The following MGAT4C variants were observed in gnomAD, a reference collection of about 807,000 sequenced individuals.
The protein encoded by MGAT4C is alpha-1,3-mannosyl-glycoprotein 4-beta-N-acetylglucosaminyltransferase C.
A neutral mutation model predicts 40.1 loss-of-function variants in MGAT4C; 19 were observed. The ratio of observed to expected loss-of-function variants is 0.47; its 90% CI spans 0.33 to 0.70. MGAT4C has a LOEUF of 0.70. Ranked by LOEUF, MGAT4C falls within the 30% of genes least tolerant of loss-of-function variation. The probability of loss-of-function intolerance (pLI) is 0.02; values close to 1 mark genes in which losing one functional copy is unlikely to be tolerated. For synonymous variants in MGAT4C, 181 were observed against 187.1 expected (o/e 0.97, Z 0.27); for missense variants, 491 against 563.2 (o/e 0.87, Z 1.30).
At chr12:86,517,625 T>C (rs1958717606) in intron 2 of MGAT4C, among the ~76,000 whole-genome samples, 3 of 151,750 alleles carry the variant, frequency 2.0e-5, no homozygotes, top group Admixed American at 2.0e-4. Context: ...TTTTTATTTA[T>C]TTATTTGTTT....
At chr12:86,679,113 A>G (rs1949928691) in intron 2 of MGAT4C, among the ~76,000 whole-genome samples, 1 of 152,012 alleles carries the variant, frequency 6.6e-6, no homozygotes, top group Non-Finnish European at 1.5e-5. Flanking sequence ...CTTTTTAATG[A>G]TCGCCATTCT....
chr12:86,010,069 G>A (rs563214781), intron 2 of MGAT4C, among the ~76,000 whole-genome samples: 1 of 152,232 alleles, frequency 6.6e-6, no homozygotes, highest in South Asian at 2.1e-4. Flanking sequence ...GGAATATGGT[G>A]TAAGAATAAT....
chr12:86,772,497 G>A (rs1402748995), intron 1 of MGAT4C, among the ~76,000 whole-genome samples: 2 of 152,100 alleles, frequency 1.3e-5, no homozygotes, highest in Non-Finnish European at 2.9e-5. Context: ...ACAGGCCCGC[G>A]AGTAGGTTTG....
intron 3 of MGAT4C, among the ~76,000 whole-genome samples, chr12:85,984,474 T>C (rs1406062110): frequency 6.6e-6 from 1 of 152,178 alleles, no homozygotes; most frequent in Non-Finnish European, 1.5e-5. Context: ...TTGCATGTCA[T>C]TAAATCTTCA....
chr12:86,697,619 A>G (rs898757025), intron 2 of MGAT4C, among the ~76,000 whole-genome samples: 1 of 152,078 alleles, frequency 6.6e-6, no homozygotes, highest in East Asian at 1.9e-4. Context: ...GGAGGAACCA[A>G]AACTAGAAAA....
At chr12:86,707,746 G>C (rs1312774230) in intron 2 of MGAT4C, among the ~76,000 whole-genome samples, 2 of 151,936 alleles carry the variant, frequency 1.3e-5, no homozygotes, top group African/African-American at 4.8e-5. Flanking sequence ...GCCCAGGCTG[G>C]TCTTAAACTC....
At chr12:86,011,221 A>G (rs1457033602) in intron 2 of MGAT4C, among the ~76,000 whole-genome samples, 1 of 152,206 alleles carries the variant, frequency 6.6e-6, no homozygotes, top group Non-Finnish European at 1.5e-5. Flanking sequence ...AATATAGATC[A>G]AGAGGCCAAA....
intron 1 of MGAT4C, among the ~76,000 whole-genome samples, chr12:86,760,581 C>G (rs1011387096): frequency 6.6e-6 from 1 of 151,956 alleles, no homozygotes. Context: ...TGCAATGAAA[C>G]AGCTTTAGGG....
intron 2 of MGAT4C, among the ~76,000 whole-genome samples, chr12:86,459,095 A>G (rs1002054850): frequency 2.6e-5 from 4 of 152,190 alleles, no homozygotes; most frequent in African/African-American, 9.7e-5. Flanking sequence ...AACTGTAGTA[A>G]TAGAACATGT....
At chr12:86,568,660 C>A (rs1056395813) in intron 2 of MGAT4C, among the ~76,000 whole-genome samples, 4 of 151,622 alleles carry the variant, frequency 2.6e-5, no homozygotes, top group Non-Finnish European at 5.9e-5. Flanking sequence ...AAGTATCACA[C>A]TACTTGACTT....
At chr12:86,777,459 T>C (rs1335113051) in intron 1 of MGAT4C, among the ~76,000 whole-genome samples, 1 of 152,154 alleles carries the variant, frequency 6.6e-6, no homozygotes, top group African/African-American at 2.4e-5. Context: ...ACAAGTTGCT[T>C]TGGCAAATTA....
At chr12:86,159,259 T>C (rs1238800944) in intron 1 of MGAT4C, among the ~76,000 whole-genome samples, 5 of 152,108 alleles carry the variant, frequency 3.3e-5, no homozygotes, top group East Asian at 1.9e-4. Flanking sequence ...CTGGATTTTA[T>C]CACATCATTT....
intron 2 of MGAT4C, among the ~76,000 whole-genome samples, chr12:86,680,848 T>C (rs1949969423): frequency 6.6e-6 from 1 of 151,992 alleles, no homozygotes; most frequent in Non-Finnish European, 1.5e-5. Context: ...TCTCATTTCT[T>C]CTTTCTATAG....
intron 1 of MGAT4C, among the ~76,000 whole-genome samples, chr12:86,064,342 T>C (rs1054282291): frequency 6.6e-6 from 1 of 152,118 alleles, no homozygotes; most frequent in Non-Finnish European, 1.5e-5. Context: ...ATCACGCCAC[T>C]GCACTCCAGC....
intron 2 of MGAT4C, among the ~76,000 whole-genome samples, chr12:86,448,016 A>G (rs752241064): frequency 6.6e-6 from 1 of 152,142 alleles, no homozygotes; most frequent in Admixed American, 6.6e-5. Flanking sequence ...TCATTGGCCA[A>G]TGGTGCATGA....
chr12:86,298,941 C>A (rs1417734218), intron 4 of MGAT4C, among the ~76,000 whole-genome samples: 3 of 151,826 alleles, frequency 2.0e-5, no homozygotes, highest in African/African-American at 7.3e-5. Context: ...GAAATTATCA[C>A]CAATGAGTGC....
chr12:86,233,102 T>C (rs1303349787), intron 1 of MGAT4C, among the ~76,000 whole-genome samples: 1 of 152,214 alleles, frequency 6.6e-6, no homozygotes, highest in East Asian at 1.9e-4. Context: ...TTTTTTTAAC[T>C]TAGATTTATT....
At chr12:86,668,725 T>A (rs1964175804) in intron 2 of MGAT4C, among the ~76,000 whole-genome samples, 1 of 152,172 alleles carries the variant, frequency 6.6e-6, no homozygotes, top group Non-Finnish European at 1.5e-5. Flanking sequence ...GGTGGAATTG[T>A]GCTCTCCCGT....
At chr12:86,129,444 G>A (rs921460676) in intron 1 of MGAT4C, among the ~76,000 whole-genome samples, 1 of 151,676 alleles carries the variant, frequency 6.6e-6, no homozygotes, top group African/African-American at 2.4e-5. Context: ...TAGCCACAGA[G>A]AGAAAAACAG....
Sources: gnomAD v4.1 joint callset for allele counts (sites outside exome capture counted in the v4.1 genomes callset) on GRCh38, gnomAD v4.1.1 for gene constraint, MANE v1.5 for transcripts, NCBI Gene and HGNC (gene_info 2026-07-23, HGNC 2026-07-21) for gene names.